The following HAAO variants were observed in gnomAD, a reference collection of about 807,000 sequenced individuals.
HAAO encodes the protein 3-hydroxyanthranilate 3,4-dioxygenase, also known as 3-hydroxyanthranilate oxygenase.
HAAO carries 49 observed loss-of-function variants against 46.2 expected under a neutral mutation model. The ratio of observed to expected loss-of-function variants is 1.06; its 90% CI spans 0.84 to 1.34. The LOEUF (loss-of-function observed/expected upper bound fraction) is 1.34, where lower values mean the gene tolerates loss of function less well. Among genes scored for constraint, HAAO ranks in the 40% most tolerant of loss-of-function variants. The pLI is 0.00. For synonymous variants in HAAO, 157 were observed against 145.2 expected (o/e 1.08, Z -0.58); for missense variants, 408 against 364.5 (o/e 1.12, Z -0.97).
intron 1 of HAAO, among the ~76,000 whole-genome samples, chr2:42,790,016 A>G (rs904104182): frequency 6.6e-6 from 1 of 152,206 alleles, no homozygotes; most frequent in African/African-American, 2.4e-5. Context: ...CACAGGGCAC[A>G]GCAGCCTAGA....
intron 4 of HAAO, among the ~76,000 whole-genome samples, chr2:42,780,616 T>G (rs1671918752): frequency 1.3e-5 from 2 of 152,054 alleles, no homozygotes; most frequent in Non-Finnish European, 1.5e-5. Flanking sequence ...TTCATGAGTA[T>G]CAAGCAGAAC....
At chr2:42,769,565 T>A in intron 7 of HAAO, 148 bp downstream of exon 7, 1 of 704,272 alleles carries the variant, frequency 1.4e-6, no homozygotes. Flanking sequence ...CTACAACCTC[T>A]GAAATGTGTG....
At chr2:42,771,314 G>A (rs567728546) in intron 4 of HAAO, among the ~76,000 whole-genome samples, 1 of 152,196 alleles carries the variant, frequency 6.6e-6, no homozygotes, top group African/African-American at 2.4e-5. Flanking sequence ...TGTAATCCCA[G>A]CTACTTGGGA....
At chr2:42,767,998 C>G in intron 7 of HAAO, 70 bp from the exon 8 acceptor site, 3 of 1,365,276 alleles carry the variant, frequency 2.2e-6, no homozygotes. Flanking sequence ...GAACCTGGCC[C>G]CCAGACACCA....
chr2:42,791,407 A>C (rs1251035083), intron 1 of HAAO, among the ~76,000 whole-genome samples: 1 of 152,110 alleles, frequency 6.6e-6, no homozygotes, highest in African/African-American at 2.4e-5. Flanking sequence ...GAAGGAGGCA[A>C]AGATGATGCT....
rs117646195 is a variant in HAAO, at chr2:42,785,125, C to T, written c.160-1258G>A. Among the ~76,000 whole-genome samples the T allele has an allele frequency of 2.2e-3, 342 of 152,322 alleles. 7 individuals are homozygous for T. The East Asian group carries it at 0.047, about 21-fold the overall frequency. ...TAGCCTTTCTGTACCTCAGTTTCCT[C>T]ATCTACATAATGACAGTTATCTACT... On this transcript the variant is annotated intron_variant, in intron 2 of 9. Transcript: ENST00000294973.
intron 7 of HAAO, among the ~76,000 whole-genome samples, chr2:42,768,969 A>G (rs1178943748): frequency 6.6e-6 from 1 of 151,958 alleles, no homozygotes; most frequent in Non-Finnish European, 1.5e-5. Context: ...CCTCACCTAG[A>G]ATGCTCTCTC....
intron 6 of HAAO, 33 bp from the exon 7 acceptor site, chr2:42,769,891 T>G (rs1670975672): frequency 6.4e-7 from 1 of 1,571,164 alleles, no homozygotes; most frequent in Non-Finnish European, 8.6e-7. Flanking sequence ...GTCGGTGTCC[T>G]CAGGACCCAG....
At chr2:42,786,634 G>A (rs1489056498) in intron 2 of HAAO, among the ~76,000 whole-genome samples, 1 of 152,172 alleles carries the variant, frequency 6.6e-6, no homozygotes, top group East Asian at 1.9e-4. Flanking sequence ...CAAGATCCCG[G>A]GGTTAGTAAG....
intron 1 of HAAO, among the ~76,000 whole-genome samples, 171 bp downstream of exon 1, chr2:42,792,286 A>C (rs1269319302): frequency 6.6e-6 from 1 of 152,164 alleles, no homozygotes; most frequent in East Asian, 1.9e-4. Context: ...GAACAGACCG[A>C]TGTGGTGGAA....
In HAAO at chr2:42,784,078, C is replaced by G; in HGVS notation, c.160-211G>C. ...CACATGGGATCATGTCTTGGACATG[C>G]AAGTGATGACCAGAGTACCCAGGAT... On this transcript the variant is annotated intron_variant, in intron 2 of 9. Coordinates refer to ENST00000294973, the MANE Select transcript of HAAO (RefSeq NM_012205.3). 3 of 480,716 alleles carry G rather than the reference C, an allele frequency of 6.2e-6. No individual in the cohort carries two copies. The South Asian group carries it at 2.6e-4, about 42-fold the overall frequency. 29.8% of individuals were successfully genotyped at this position (480,716 alleles called of 1,614,324 possible). A position where few individuals can be genotyped will look rare whatever the true frequency, so the allele number is the denominator to read the frequency against.
At chr2:42,781,984 G>C (rs1429715509) in intron 4 of HAAO, among the ~76,000 whole-genome samples, 1 of 152,148 alleles carries the variant, frequency 6.6e-6, no homozygotes, top group African/African-American at 2.4e-5. Context: ...GGAAACTGGA[G>C]AGAGAAAAAT....
intron 4 of HAAO, among the ~76,000 whole-genome samples, chr2:42,772,672 T>G (rs1399259856): frequency 6.6e-6 from 1 of 152,134 alleles, no homozygotes; most frequent in African/African-American, 2.4e-5. Flanking sequence ...ATTTATCCTT[T>G]TAGTAACAAG....
Position 42,767,828 on chromosome 2 carries a change from G to A in HAAO, c.699+32C>T, listed in dbSNP as rs200348146. ...GCGGGCTGATGCCCTCTGGCAGGGGGTTCTGCAACCCTGTCCCTGGGCCCC... is the reference window on the plus strand; with the variant it reads ...GCGGGCTGATGCCCTCTGGCAGGGGATTCTGCAACCCTGTCCCTGGGCCCC... On this transcript the variant is annotated intron_variant, in intron 8 of 9. Transcript: ENST00000294973. 2,144 of 1,607,474 alleles carry A rather than the reference G, an allele frequency of 1.3e-3. 2 individuals carry two copies. The highest frequency in any genetic ancestry group is 1.6e-3 in the Non-Finnish European group (1,841 of 1,174,040).
intron 6 of HAAO, 32 bp from the exon 7 acceptor site, chr2:42,769,890 C>T: frequency 6.4e-7 from 1 of 1,572,584 alleles, no homozygotes; most frequent in Non-Finnish European, 8.6e-7. Context: ...AGTCGGTGTC[C>T]TCAGGACCCA....
chr2:42,788,859 A>C (rs1672584048), intron 1 of HAAO: 5 of 475,760 alleles, frequency 1.1e-5, no homozygotes, highest in Admixed American at 3.3e-5. Context: ...CGTCTGACCC[A>C]ACAAGGGAAA....
intron 1 of HAAO, among the ~76,000 whole-genome samples, chr2:42,791,710 T>A (rs1408110897): frequency 6.6e-6 from 1 of 152,156 alleles, no homozygotes; most frequent in African/African-American, 2.4e-5. Flanking sequence ...CTACTGACCA[T>A]GTCCTGTGGA....
At chr2:42,779,384 C>T (rs978292040) in intron 4 of HAAO, among the ~76,000 whole-genome samples, 1 of 151,116 alleles carries the variant, frequency 6.6e-6, no homozygotes, top group South Asian at 2.1e-4. Flanking sequence ...TGCAGTGGTG[C>T]GATCTTGGCT....
chr2:42,783,215 C>T (rs1352691118), intron 4 of HAAO, 99 bp downstream of exon 4: 5 of 715,822 alleles, frequency 7.0e-6, no homozygotes, highest in Non-Finnish European at 9.7e-6. Flanking sequence ...CCAGGACGTG[C>T]TTTCTTGAGT....
Sources: allele counts gnomAD v4.1 joint callset (sites outside exome capture counted in the v4.1 genomes callset), GRCh38; gene constraint gnomAD v4.1.1; transcripts MANE v1.5; gene names NCBI Gene and HGNC (gene_info 2026-07-23, HGNC 2026-07-21).